The following SERPINI1 variants were observed in gnomAD, a reference collection of about 807,000 sequenced individuals.
SERPINI1 encodes serpin family I member 1.
A neutral mutation model predicts 41.1 loss-of-function variants in SERPINI1; 19 were observed. The ratio of observed to expected loss-of-function variants is 0.46; its 90% CI spans 0.32 to 0.68. SERPINI1 has a LOEUF of 0.68. Among genes scored for constraint, SERPINI1 ranks in the 30% least tolerant of loss-of-function variants. The pLI, the probability that SERPINI1 is intolerant of heterozygous loss-of-function variation, is 0.03. For synonymous variants in SERPINI1, 138 were observed against 156.6 expected (o/e 0.88, Z 0.89); for missense variants, 460 against 479.2 (o/e 0.96, Z 0.37).
intron 1 of SERPINI1, among the ~76,000 whole-genome samples, chr3:167,765,369 A>G (rs189283153): frequency 6.6e-6 from 1 of 152,344 alleles, no homozygotes; most frequent in East Asian, 1.9e-4. Flanking sequence ...GTAGCTGCCA[A>G]GGCTTGAAGC....
chr3:167,805,521 T>C (rs1711597579), intron 5 of SERPINI1, among the ~76,000 whole-genome samples: 2 of 152,254 alleles, frequency 1.3e-5, no homozygotes, highest in Non-Finnish European at 2.9e-5. Context: ...TTTCTTTTGC[T>C]GTGCAGAAGC....
intron 6 of SERPINI1, among the ~76,000 whole-genome samples, chr3:167,818,308 G>A (rs1712190109): frequency 6.6e-6 from 1 of 152,120 alleles, no homozygotes; most frequent in Non-Finnish European, 1.5e-5. Context: ...GATTACAGGT[G>A]TGAGCCACCG....
intron 1 of SERPINI1, among the ~76,000 whole-genome samples, chr3:167,788,848 G>A (rs1457830757): frequency 2.0e-5 from 3 of 152,126 alleles, no homozygotes; most frequent in Admixed American, 6.5e-5. Flanking sequence ...TGTATTTGGC[G>A]AGGCTATGAA....
At chr3:167,797,740 G>GT (rs3840198) in intron 5 of SERPINI1, among the ~76,000 whole-genome samples, 96,960 of 148,892 alleles carry the variant, frequency 0.65, 31,630 homozygotes, top group East Asian at 0.88. Flanking sequence ...CCTACCAAGC[G>GT]TTTTTTTTTT....
chr3:167,823,180 T>C (rs1304394948), intron 7 of SERPINI1, 108 bp downstream of exon 7: 1 of 800,672 alleles, frequency 1.2e-6, no homozygotes, highest in African/African-American at 1.7e-5. Flanking sequence ...GTCACTCTGC[T>C]CTAACTTAGA....
At chr3:167,763,484 A>G (rs1452709439) in intron 1 of SERPINI1, among the ~76,000 whole-genome samples, 5 of 151,696 alleles carry the variant, frequency 3.3e-5, no homozygotes, top group African/African-American at 1.2e-4. Flanking sequence ...GGCTCAAGCA[A>G]TCCCCTCACC....
intron 4 of SERPINI1, 141 bp downstream of exon 4, chr3:167,792,925 C>T: frequency 1.4e-6 from 1 of 694,908 alleles, no homozygotes; most frequent in East Asian, 2.7e-5. Flanking sequence ...TTTTAAAAAC[C>T]CTCTAATTAG....
At position 167,823,032 on chromosome 3, in the gene SERPINI1, A is replaced by G. The variant is rs2108575349; in HGVS notation, c.1026A>G (p.Leu342=). ...FLSKAIHKSF[L]EVNEEGSEAA... is the part of the protein sequence containing the mutation. ...CCAAAGCAATTCACAAGTCCTTCCT[A>G]GAGGTTAATGAAGAAGGCTCAGAAG... The change falls in exon 7 of 9, where the codon CTA becomes CTG. Residue 342 remains leucine (L), a synonymous_variant. Transcript: ENST00000446050. 1.2e-6 allele frequency: 2 copies of G among 1,611,196 alleles called. No individual in the cohort carries two copies. Among genetic ancestry groups the G allele is most frequent in the Non-Finnish European group, 1.7e-6 (2 of 1,177,422 alleles).
At chr3:167,814,498 T>C (rs1345129121) in intron 6 of SERPINI1, among the ~76,000 whole-genome samples, 2 of 152,234 alleles carry the variant, frequency 1.3e-5, no homozygotes, top group Non-Finnish European at 2.9e-5. Flanking sequence ...GGTTCTGTTA[T>C]AATACTCTCG....
At chr3:167,824,993 G>T (rs1272558105) in intron 8 of SERPINI1, among the ~76,000 whole-genome samples, 1 of 151,852 alleles carries the variant, frequency 6.6e-6, no homozygotes, top group Non-Finnish European at 1.5e-5. Flanking sequence ...GTTACAGTAA[G>T]CTCTGATAGA....
chr3:167,790,328 C>T (rs894180383), intron 2 of SERPINI1, 44 bp from the exon 3 acceptor site: 3 of 1,396,384 alleles, frequency 2.1e-6, no homozygotes, highest in Non-Finnish European at 2.0e-6. Flanking sequence ...TGACATTTCA[C>T]CGTGTTTGTT....
At position 167,794,838 on chromosome 3, in the gene SERPINI1, G is replaced by A. The variant is rs1334441460; in HGVS notation, c.881+14G>A. On this transcript the variant is annotated intron_variant, in intron 5 of 8. Transcript: ENST00000446050. Reference sequence around the variant, plus strand: ...ATACCTGCCCAGGTATGAGGTTCCTGTGTCACCCGTCCCACAGCATGGACG... The same window carrying A: ...ATACCTGCCCAGGTATGAGGTTCCTATGTCACCCGTCCCACAGCATGGACG... 4.5e-5 allele frequency: 73 copies of A among 1,608,170 alleles called. No homozygotes were observed. The highest frequency in any genetic ancestry group is 6.1e-5 in the Non-Finnish European group (72 of 1,176,102).
chr3:167,773,236 T>C (rs1358262003), intron 1 of SERPINI1, among the ~76,000 whole-genome samples: 1 of 151,980 alleles, frequency 6.6e-6, no homozygotes, highest in Non-Finnish European at 1.5e-5. Context: ...TGTCCAATGA[T>C]GGGAAAAGCT....
intron 1 of SERPINI1, among the ~76,000 whole-genome samples, chr3:167,750,474 G>A (rs1252436458): frequency 6.6e-6 from 1 of 152,174 alleles, no homozygotes; most frequent in Non-Finnish European, 1.5e-5. Flanking sequence ...TGTTCGTGAT[G>A]CTTATTTGTG....
chr3:167,782,563 T>G (rs1305757669), intron 1 of SERPINI1, among the ~76,000 whole-genome samples: 1 of 152,198 alleles, frequency 6.6e-6, no homozygotes. Context: ...CTCATTCTGA[T>G]TATCTTAAGA....
At chr3:167,812,628 T>C (rs773235091) in intron 6 of SERPINI1, among the ~76,000 whole-genome samples, 39 of 152,340 alleles carry the variant, frequency 2.6e-4, no homozygotes, top group Admixed American at 4.6e-4. Context: ...CCCTCCAAGA[T>C]TGATTCTTAC....
chr3:167,748,742 G>C (rs1200569810), intron 1 of SERPINI1, among the ~76,000 whole-genome samples: 1 of 139,392 alleles, frequency 7.2e-6, no homozygotes, highest in African/African-American at 2.8e-5. Context: ...GTAAGACAGA[G>C]TGTGTTACTC....
At chr3:167,794,149 C>A (rs1727635498) in intron 4 of SERPINI1, among the ~76,000 whole-genome samples, 1 of 151,908 alleles carries the variant, frequency 6.6e-6, no homozygotes. Flanking sequence ...CTAACCAGGG[C>A]TTTTCATTGT....
At chr3:167,783,457 G>T (rs972337609) in intron 1 of SERPINI1, among the ~76,000 whole-genome samples, 1 of 152,124 alleles carries the variant, frequency 6.6e-6, no homozygotes, top group Non-Finnish European at 1.5e-5. Flanking sequence ...ATGCATATCA[G>T]AAATTAAGAT....
Sources: gnomAD v4.1 joint callset for allele counts (sites outside exome capture counted in the v4.1 genomes callset) on GRCh38, gnomAD v4.1.1 for gene constraint, MANE v1.5 for transcripts, NCBI Gene and HGNC (gene_info 2026-07-23, HGNC 2026-07-21) for gene names.